FAF1: variants seen among roughly 807,000 people sequenced by gnomAD.
The protein encoded by FAF1 is Fas associated factor 1, also known as FAS-associated factor 1.
In FAF1, 25 loss-of-function variants were observed where a neutral mutation model predicts 92.5. The observed-to-expected ratio is 0.27, with a 90% CI of 0.20 to 0.38. The LOEUF (loss-of-function observed/expected upper bound fraction) is 0.38, where lower values mean the gene tolerates loss of function less well. Among genes scored for constraint, FAF1 ranks in the 10% least tolerant of loss-of-function variants. The pLI is 1.00. For synonymous variants in FAF1, 234 were observed against 273.2 expected (o/e 0.86, Z 1.42); for missense variants, 636 against 793.3 (o/e 0.80, Z 2.38).
chr1:50,668,019 CCATCAG>C (rs1655709163), intron 7 of FAF1, among the ~76,000 whole-genome samples: 1 of 152,180 alleles, frequency 6.6e-6, no homozygotes, highest in East Asian at 1.9e-4. Flanking sequence ...GTGGTGGGAA[CCATCAG>C]CAACAGAACC....
chr1:50,693,180 G>A (rs1455702294), intron 7 of FAF1, among the ~76,000 whole-genome samples: 1 of 151,998 alleles, frequency 6.6e-6, no homozygotes, highest in East Asian at 1.9e-4. Flanking sequence ...CTTCTATGAG[G>A]TTTATAGTTT....
intron 4 of FAF1, among the ~76,000 whole-genome samples, chr1:50,770,426 A>G (rs940422710): frequency 6.6e-6 from 1 of 152,214 alleles, no homozygotes; most frequent in Non-Finnish European, 1.5e-5. Context: ...TACAAAATCA[A>G]TGTACGAAAA....
chr1:50,865,693 TG>T (rs1207573552), intron 1 of FAF1, among the ~76,000 whole-genome samples: 4 of 55,570 alleles, frequency 7.2e-5, no homozygotes, highest in African/African-American at 1.5e-4. Context: ...TGTTGTGGGG[TG>T]GGGGGAGGGG....
At chr1:50,662,715 A>G (rs1430524893) in intron 7 of FAF1, among the ~76,000 whole-genome samples, 2 of 73,426 alleles carry the variant, frequency 2.7e-5, no homozygotes, top group Admixed American at 2.2e-4. Flanking sequence ...TTTTTTTTTG[A>G]GACGGAGTCT....
At chr1:50,691,208 A>G (rs1656906778) in intron 7 of FAF1, among the ~76,000 whole-genome samples, 1 of 151,790 alleles carries the variant, frequency 6.6e-6, no homozygotes, top group Admixed American at 6.6e-5. Flanking sequence ...AATAGTTCTC[A>G]TTTCTCAACA....
At position 50,490,738 on chromosome 1, in the gene FAF1, G is replaced by A. The variant is rs561880074; in HGVS notation, c.1576-73C>T. On this transcript the variant is annotated intron_variant, in intron 16 of 18. Coordinates refer to ENST00000396153, the MANE Select transcript of FAF1 (RefSeq NM_007051.3). ...ACAAAGAAAGAGAGAAATAAGGAAA[G>A]AGAAAAAAGAAAAGAGGAAAGAAAG... 5.2e-6 allele frequency: 5 copies of A among 960,724 alleles called. No homozygotes were observed. The Admixed American group carries it at 5.6e-5, about 11-fold the overall frequency. The allele number at this position is 960,724 out of a possible 1,614,324, so 59.5% of individuals were successfully genotyped here. A position where few individuals can be genotyped will look rare whatever the true frequency, so the allele number is the denominator to read the frequency against.
intron 15 of FAF1, among the ~76,000 whole-genome samples, chr1:50,502,978 C>A (rs1196506769): frequency 6.6e-6 from 1 of 151,870 alleles, no homozygotes; most frequent in Non-Finnish European, 1.5e-5. Flanking sequence ...TGTGCACCAC[C>A]ATGTCAGGCT....
chr1:50,635,627 T>C (rs187396700), intron 8 of FAF1, among the ~76,000 whole-genome samples: 1 of 152,182 alleles, frequency 6.6e-6, no homozygotes, highest in Non-Finnish European at 1.5e-5. Context: ...AGTTTCACCA[T>C]GTTGCCCAGG....
At chr1:50,888,380 C>A (rs554152773) in intron 1 of FAF1, among the ~76,000 whole-genome samples, 46 of 152,274 alleles carry the variant, frequency 3.0e-4, no homozygotes, top group African/African-American at 1.1e-3. Context: ...TTTCTCCTGC[C>A]TGATTGCCCT....
intron 9 of FAF1, among the ~76,000 whole-genome samples, chr1:50,588,677 GCAC>G (rs931220481): frequency 4.6e-5 from 7 of 152,178 alleles, no homozygotes; most frequent in African/African-American, 1.7e-4. Flanking sequence ...TGTGACATTG[GCAC>G]CTGTGTGATC....
chr1:50,447,812 A>G (rs984944687), intron 18 of FAF1, among the ~76,000 whole-genome samples: 1 of 152,198 alleles, frequency 6.6e-6, no homozygotes, highest in African/African-American at 2.4e-5. Flanking sequence ...CCCTTCAGTT[A>G]TAGACTATGT....
At chr1:50,522,631 TCCCAGTAGTAC>T (rs2149030589) in intron 15 of FAF1, among the ~76,000 whole-genome samples, 1 of 152,290 alleles carries the variant, frequency 6.6e-6, no homozygotes, top group African/African-American at 2.4e-5. Context: ...CTATGTCAGT[TCCCAGTAGTAC>T]CCCGTAAGTA....
chr1:50,741,717 A>C (rs1659395138), intron 5 of FAF1, among the ~76,000 whole-genome samples: 1 of 152,238 alleles, frequency 6.6e-6, no homozygotes, highest in Non-Finnish European at 1.5e-5. Context: ...ACAAAGGATT[A>C]GGTGCTGTAA....
intron 7 of FAF1, among the ~76,000 whole-genome samples, chr1:50,656,137 G>A (rs1655099406): frequency 6.6e-6 from 1 of 152,106 alleles, no homozygotes; most frequent in Non-Finnish European, 1.5e-5. Context: ...TTCGAGACCA[G>A]TCTGGCCAAC....
intron 4 of FAF1, among the ~76,000 whole-genome samples, chr1:50,768,557 TA>T (rs948680738): frequency 2.7e-5 from 4 of 150,080 alleles, no homozygotes; most frequent in Non-Finnish European, 5.9e-5. Context: ...CTTAGCAAAT[TA>T]AAAAAAAATA....
chr1:50,449,778 G>A (rs563811182), intron 18 of FAF1, among the ~76,000 whole-genome samples: 1 of 151,488 alleles, frequency 6.6e-6, no homozygotes, highest in African/African-American at 2.4e-5. Context: ...ATGAGCCACC[G>A]CGCCTGGCCT....
intron 4 of FAF1, among the ~76,000 whole-genome samples, chr1:50,761,845 TA>T (rs1557515262): frequency 6.6e-6 from 1 of 152,082 alleles, no homozygotes; most frequent in Non-Finnish European, 1.5e-5. Flanking sequence ...CCAGGGCAAT[TA>T]GGCAGGAGAA....
intron 4 of FAF1, among the ~76,000 whole-genome samples, chr1:50,756,320 T>C (rs1660071456): frequency 6.6e-6 from 1 of 152,220 alleles, no homozygotes; most frequent in Admixed American, 6.5e-5. Flanking sequence ...GCTGCCAGCA[T>C]CTTTGCTAAA....
chr1:50,575,155 G>A (rs566216290), intron 12 of FAF1, among the ~76,000 whole-genome samples: 3 of 152,126 alleles, frequency 2.0e-5, no homozygotes, highest in Non-Finnish European at 2.9e-5. Context: ...TGATCCACCC[G>A]CCTCGGCCTC....
Sources: gnomAD v4.1 joint callset for allele counts (sites outside exome capture counted in the v4.1 genomes callset) on GRCh38, gnomAD v4.1.1 for gene constraint, MANE v1.5 for transcripts, NCBI Gene and HGNC (gene_info 2026-07-23, HGNC 2026-07-21) for gene names.